Variants in MARCHF8 observed in about 807,000 individuals in gnomAD.
MARCHF8 encodes membrane associated ring-CH-type finger 8.
MARCHF8 carries 40 observed loss-of-function variants against 51.6 expected under a neutral mutation model. The observed-to-expected ratio is 0.77, with a 90% CI of 0.60 to 1.01. MARCHF8 has a LOEUF of 1.01. MARCHF8 is among the 50% of genes least tolerant of loss of function. The pLI is 0.00. For synonymous variants in MARCHF8, 263 were observed against 280.3 expected, an observed-to-expected ratio of 0.94 and a Z score of 0.62; for missense variants, 685 against 708.6, an observed-to-expected ratio of 0.97 and a Z score of 0.38.
rs77453386 is a variant in MARCHF8 at position 45,459,610 on chromosome 10, G to A, written c.1270-343C>T. 1.5e-3 allele frequency: 906 copies of A among 621,088 alleles called. 19 individuals carry two copies. In the East Asian group the frequency reaches 0.052, roughly 36 times the overall value. 38.5% of individuals were successfully genotyped at this position (621,088 alleles called of 1,614,324 possible). A position where few individuals can be genotyped will look rare whatever the true frequency, so the allele number is the denominator to read the frequency against. ...AACAGTATGTTGGCCCAGGACCCAG[G>A]TACTACGTTTTAAGTCTCCCTGATG... On this transcript the variant is annotated intron_variant, in intron 6 of 7. Transcript: ENST00000453424.
intron 1 of MARCHF8, among the ~76,000 whole-genome samples, chr10:45,554,505 G>A (rs1273736595): frequency 6.6e-6 from 1 of 152,210 alleles, no homozygotes; most frequent in African/African-American, 2.4e-5. Flanking sequence ...CCAGATCTAT[G>A]GCTGTTAATG....
intron 3 of MARCHF8, among the ~76,000 whole-genome samples, chr10:45,473,205 A>T (rs79233662): frequency 6.6e-6 from 1 of 152,216 alleles, no homozygotes; most frequent in South Asian, 2.1e-4. Context: ...AATATTCAGG[A>T]GGCCTAGGAG....
chr10:45,513,571 G>A (rs900913518), intron 2 of MARCHF8, among the ~76,000 whole-genome samples: 2 of 152,106 alleles, frequency 1.3e-5, no homozygotes, highest in African/African-American at 4.8e-5. Flanking sequence ...TGATGAAATA[G>A]TGTATTCAAT....
At chr10:45,588,660 T>C (rs1235069763) in intron 1 of MARCHF8, among the ~76,000 whole-genome samples, 2 of 152,318 alleles carry the variant, frequency 1.3e-5, no homozygotes, top group African/African-American at 2.4e-5. Flanking sequence ...AAATGTATCA[T>C]TGACTATTGG....
At chr10:45,528,296 A>G (rs1244455476) in intron 2 of MARCHF8, among the ~76,000 whole-genome samples, 2 of 152,248 alleles carry the variant, frequency 1.3e-5, no homozygotes, top group African/African-American at 4.8e-5. Flanking sequence ...TCTAAATTGT[A>G]AAAGAGGAAG....
Position 45,582,506 on chromosome 10 carries a change from A to G in MARCHF8, c.-79+11729T>C, listed in dbSNP as rs2133426522. 2.0e-5 allele frequency among the ~76,000 whole-genome samples: 3 copies of G among 152,324 alleles called. 1 individual carries two copies. In the Middle Eastern group the frequency reaches 0.01, roughly 518 times the overall value. On this transcript the variant is annotated intron_variant, in intron 1 of 6. Transcript: ENST00000319836. ...TAAGATTAAACAGGAGACCAAAAAA[A>G]CCAGAATGGCAGAACTGAAAGGAAT...
intron 1 of MARCHF8, among the ~76,000 whole-genome samples, chr10:45,563,746 G>C (rs1246475038): frequency 6.6e-6 from 1 of 152,084 alleles, no homozygotes; most frequent in Non-Finnish European, 1.5e-5. Flanking sequence ...AGACAAATAA[G>C]ATTATTTTAT....
At chr10:45,475,549 C>T (rs1338725489) in intron 3 of MARCHF8, among the ~76,000 whole-genome samples, 2 of 152,202 alleles carry the variant, frequency 1.3e-5, no homozygotes, top group Non-Finnish European at 2.9e-5. Flanking sequence ...GCCATTACCG[C>T]CACATCTAGC....
At chr10:45,522,849 A>AAG (rs949215899) in intron 2 of MARCHF8, among the ~76,000 whole-genome samples, 1 of 152,220 alleles carries the variant, frequency 6.6e-6, no homozygotes, top group African/African-American at 2.4e-5. Flanking sequence ...AGTGGTATGG[A>AAG]AGATATAAAA....
chr10:45,468,265 T>A (rs777939291), intron 3 of MARCHF8, among the ~76,000 whole-genome samples: 2 of 152,206 alleles, frequency 1.3e-5, no homozygotes, highest in African/African-American at 2.4e-5. Context: ...CTTTTCTCAG[T>A]TCCCTTCTGA....
intron 1 of MARCHF8, among the ~76,000 whole-genome samples, chr10:45,566,333 A>C (rs1045108242): frequency 6.6e-6 from 1 of 152,190 alleles, no homozygotes; most frequent in African/African-American, 2.4e-5. Context: ...ATTGACTATA[A>C]CCACTTTATT....
At chr10:45,578,584 A>G (rs1322590341) in intron 1 of MARCHF8, among the ~76,000 whole-genome samples, 1 of 152,192 alleles carries the variant, frequency 6.6e-6, no homozygotes, top group Non-Finnish European at 1.5e-5. Flanking sequence ...TGAAAGTTTG[A>G]TGAGGAACAG....
chr10:45,576,427 T>C (rs1410499296), intron 1 of MARCHF8, among the ~76,000 whole-genome samples: 2 of 152,094 alleles, frequency 1.3e-5, no homozygotes, highest in African/African-American at 4.8e-5. Context: ...CAGCATATCT[T>C]TGCACAGAGT....
upstream of MARCHF8, among the ~76,000 whole-genome samples, chr10:45,537,943 T>TA (rs140741004): frequency 0.016 from 2,509 of 152,284 alleles, 50 homozygotes; most frequent in Admixed American, 0.025. Context: ...CTAAGATAGA[T>TA]AGAGAAAATT....
At chr10:45,571,075 T>C (rs1028835247) in intron 1 of MARCHF8, among the ~76,000 whole-genome samples, 5 of 152,008 alleles carry the variant, frequency 3.3e-5, no homozygotes, top group African/African-American at 1.2e-4. Flanking sequence ...TAAAAGCCTA[T>C]GAAATATAAA....
At chr10:45,498,485 CT>C (rs35238918) in intron 2 of MARCHF8, among the ~76,000 whole-genome samples, 9,369 of 148,216 alleles carry the variant, frequency 0.063, 327 homozygotes, top group Non-Finnish European at 0.068. Flanking sequence ...TGTCAGAAGC[CT>C]TTTTTTTTTT....
intron 3 of MARCHF8, among the ~76,000 whole-genome samples, chr10:45,480,658 C>A (rs982075409): frequency 6.6e-6 from 1 of 152,178 alleles, no homozygotes; most frequent in Non-Finnish European, 1.5e-5. Flanking sequence ...TGGTGTTGAG[C>A]CTGCGGGTAC....
chr10:45,477,585 T>C (rs913699980), intron 3 of MARCHF8, among the ~76,000 whole-genome samples: 1 of 152,174 alleles, frequency 6.6e-6, no homozygotes, highest in African/African-American at 2.4e-5. Context: ...ACCCTGAATG[T>C]AAATGAATTA....
intron 1 of MARCHF8, among the ~76,000 whole-genome samples, chr10:45,547,289 T>C (rs1284872924): frequency 2.0e-5 from 3 of 152,204 alleles, no homozygotes; most frequent in Non-Finnish European, 4.4e-5. Context: ...GTATTTTACA[T>C]GCATATTTCA....
Sources: allele counts gnomAD v4.1 joint callset (sites outside exome capture counted in the v4.1 genomes callset), GRCh38; gene constraint gnomAD v4.1.1; transcripts MANE v1.5; gene names NCBI Gene and HGNC (gene_info 2026-07-23, HGNC 2026-07-21).